CCDC83: variants seen among roughly 807,000 people sequenced by gnomAD.
CCDC83 encodes coiled-coil domain-containing protein 83.
In CCDC83, 54 loss-of-function variants were observed where a neutral mutation model predicts 50.1. The ratio of observed to expected loss-of-function variants is 1.08; its 90% CI spans 0.87 to 1.35. The LOEUF is 1.35. Among genes scored for constraint, CCDC83 ranks in the 40% most tolerant of loss-of-function variants. The pLI is 0.00. For synonymous variants in CCDC83, 161 were observed against 153.3 expected, an observed-to-expected ratio of 1.05 and a Z score of -0.37; for missense variants, 518 against 473.9, an observed-to-expected ratio of 1.09 and a Z score of -0.86.
At chr11:85,908,203 A>G (rs1292126129) in intron 7 of CCDC83, among the ~76,000 whole-genome samples, 1 of 152,112 alleles carries the variant, frequency 6.6e-6, no homozygotes, top group Non-Finnish European at 1.5e-5. Context: ...GTATTGCTTT[A>G]TATTATAATT....
At chr11:85,860,695 C>T (rs1020343590) in intron 1 of CCDC83, among the ~76,000 whole-genome samples, 2 of 152,200 alleles carry the variant, frequency 1.3e-5, no homozygotes, top group Admixed American at 1.3e-4. Context: ...TCATGTTCAT[C>T]GCAGCACTGT....
chr11:85,905,535 G>A (rs976184537), intron 7 of CCDC83, among the ~76,000 whole-genome samples: 22 of 151,418 alleles, frequency 1.5e-4, no homozygotes, highest in Admixed American at 7.9e-4. Flanking sequence ...GCTTGAACCC[G>A]GGAGGTGGAG....
At chr11:85,905,385 T>C (rs1009308957) in intron 7 of CCDC83, among the ~76,000 whole-genome samples, 1 of 144,700 alleles carries the variant, frequency 6.9e-6, no homozygotes. Context: ...AAGTTTGCAG[T>C]GAGCCGAGAT....
In CCDC83 at chr11:85,898,303, T is replaced by C. The variant is rs573042002; in HGVS notation, c.604-644T>C. ...GTTACTAAATATTGAATTTGTACCATAGTATCCATATAAAAGCATCTCGCA... is the reference window on the plus strand; with the variant it reads ...GTTACTAAATATTGAATTTGTACCACAGTATCCATATAAAAGCATCTCGCA... On this transcript the variant is annotated intron_variant, in intron 6 of 10. Coordinates refer to ENST00000342404, the MANE Select transcript of CCDC83 (RefSeq NM_001286159.2). Among the ~76,000 whole-genome samples the C allele has an allele frequency of 6.6e-4, 101 of 152,336 alleles. 1 individual carries two copies. Among genetic ancestry groups the C allele is most frequent in the Middle Eastern group, 3.4e-3 (1 of 294 alleles).
intron 10 of CCDC83, among the ~76,000 whole-genome samples, chr11:85,918,380 G>C (rs1411024523): frequency 2.0e-5 from 3 of 152,174 alleles, no homozygotes; most frequent in Non-Finnish European, 4.4e-5. Context: ...ACTTGATATA[G>C]GGCCTGGCAT....
chr11:85,901,795 G>A (rs898483559), intron 7 of CCDC83, among the ~76,000 whole-genome samples: 13 of 151,910 alleles, frequency 8.6e-5, no homozygotes, highest in African/African-American at 3.1e-4. Context: ...TTGGGAAGCT[G>A]GGGTGGGAGG....
intron 6 of CCDC83, among the ~76,000 whole-genome samples, chr11:85,898,444 A>G (rs1295190616): frequency 6.6e-6 from 1 of 152,196 alleles, no homozygotes; most frequent in Non-Finnish European, 1.5e-5. Context: ...TTCTTTGTCT[A>G]AAATGCCTTT....
At chr11:85,917,213 A>AGAAAGAAAGAAAGAAAGAAAGAAG (rs2093485258) in intron 10 of CCDC83, among the ~76,000 whole-genome samples, 7 of 115,068 alleles carry the variant, frequency 6.1e-5, no homozygotes, top group African/African-American at 2.3e-4. Flanking sequence ...AAAGAAGGAA[A>AGAAAGAAAGAAAGAAAGAAAGAAG]GAAAGAAAGA....
At chr11:85,915,697 A>G (rs1397884171) in intron 9 of CCDC83, among the ~76,000 whole-genome samples, 199 bp downstream of exon 9, 2 of 152,202 alleles carry the variant, frequency 1.3e-5, no homozygotes, top group African/African-American at 2.4e-5. Flanking sequence ...TTTCAAATTA[A>G]GGTCACCATG....
chr11:85,886,850 TG>T (rs1196044834), intron 5 of CCDC83, among the ~76,000 whole-genome samples: 2 of 152,170 alleles, frequency 1.3e-5, no homozygotes, highest in Non-Finnish European at 2.9e-5. Flanking sequence ...TGGTCAAGGC[TG>T]CAGGGAGCTG....
intron 2 of CCDC83, among the ~76,000 whole-genome samples, chr11:85,866,704 G>A (rs531331296): frequency 6.6e-6 from 1 of 151,618 alleles, no homozygotes; most frequent in South Asian, 2.1e-4. Context: ...CTATAATAAA[G>A]GTACTATAAA....
chr11:85,888,980 G>A (rs2093339381), intron 5 of CCDC83, among the ~76,000 whole-genome samples: 1 of 152,154 alleles, frequency 6.6e-6, no homozygotes, highest in Non-Finnish European at 1.5e-5. Context: ...AAATATTTTA[G>A]CCAGTATTTA....
rs1554985685 is a variant in CCDC83, at chr11:85,911,190, A to AC, written c.673-91_673-90insC. The AC allele has an allele frequency of 3.5e-6, 4 of 1,128,378 alleles. No individual in the cohort carries two copies. In the East Asian group the frequency reaches 9.3e-5, roughly 26 times the overall value. The allele number at this position is 1,128,378 out of a possible 1,614,324, so 69.9% of individuals were successfully genotyped here. On this transcript the variant is annotated intron_variant, in intron 7 of 10. Transcript: ENST00000342404. Reference sequence around the variant, plus strand: ...CCGTCTCAAATAAAAAAAAAAAAAAAAAGAAAGAAAAAAGAAAAAAATAAA... The same window carrying AC: ...CCGTCTCAAATAAAAAAAAAAAAAAACAAGAAAGAAAAAAGAAAAAAATAAA...
chr11:85,917,154 G>A (rs1168589758), intron 10 of CCDC83, among the ~76,000 whole-genome samples: 4 of 69,712 alleles, frequency 5.7e-5, no homozygotes, highest in African/African-American at 1.1e-4. Context: ...GAGAGAGAGA[G>A]AGAGAGAGAG....
rs1325290726 is a variant in CCDC83 at position 85,899,036 on chromosome 11, C to T, written c.672+21C>T. The T allele has an allele frequency of 3.2e-6, 5 of 1,552,202 alleles. No homozygotes were observed. The Admixed American group carries it at 8.7e-5, about 27-fold the overall frequency. On this transcript the variant is annotated intron_variant, in intron 7 of 10. Coordinates refer to ENST00000342404, the MANE Select transcript of CCDC83 (RefSeq NM_001286159.2). Reference sequence around the variant, plus strand: ...AAGAGGTAAGTGGAATTTATCAAAACAAACAATTTCTTCGTTCTCATTTTT... The same window carrying T: ...AAGAGGTAAGTGGAATTTATCAAAATAAACAATTTCTTCGTTCTCATTTTT...
intron 8 of CCDC83, among the ~76,000 whole-genome samples, chr11:85,915,163 A>T (rs1183210205): frequency 6.6e-6 from 1 of 152,176 alleles, no homozygotes; most frequent in Non-Finnish European, 1.5e-5. Context: ...TTCCCCCTAA[A>T]GCTGACTCAG....
chr11:85,879,233 T>C (rs1049414971), intron 3 of CCDC83, among the ~76,000 whole-genome samples: 6 of 152,240 alleles, frequency 3.9e-5, no homozygotes, highest in African/African-American at 7.2e-5. Context: ...TTTTCTCCTA[T>C]GTTTTATTCT....
intron 10 of CCDC83, 107 bp from the exon 11 acceptor site, chr11:85,919,242 T>A: frequency 9.9e-7 from 1 of 1,011,700 alleles, no homozygotes; most frequent in Non-Finnish European, 1.5e-6. Context: ...TAGGGGGCAA[T>A]GAAGTCTGTC....
intron 4 of CCDC83, among the ~76,000 whole-genome samples, chr11:85,884,475 G>A (rs1482972601): frequency 6.6e-6 from 1 of 152,126 alleles, no homozygotes; most frequent in Non-Finnish European, 1.5e-5. Flanking sequence ...AAATACTGCT[G>A]CAACCCTTTT....
Sources: gnomAD v4.1 joint callset for allele counts (sites outside exome capture counted in the v4.1 genomes callset) on GRCh38, gnomAD v4.1.1 for gene constraint, MANE v1.5 for transcripts, NCBI Gene and HGNC (gene_info 2026-07-23, HGNC 2026-07-21) for gene names.